EPHA3: variants seen among roughly 807,000 people sequenced by gnomAD.
EPHA3 encodes EPH receptor A3, also known as ephrin type-A receptor 3.
In EPHA3, 42 loss-of-function variants were observed where a neutral mutation model predicts 107.1. The observed-to-expected ratio is 0.39, with a 90% CI of 0.31 to 0.51. EPHA3 has a LOEUF of 0.51. Ranked by LOEUF, EPHA3 falls within the 20% of genes least tolerant of loss-of-function variation. The pLI is 0.78. For synonymous variants in EPHA3, 461 were observed against 424.8 expected (o/e 1.09, Z -1.05); for missense variants, 1,183 against 1,211.2 (o/e 0.98, Z 0.35).
chr3:89,143,613 A>G (rs1170318953), intron 2 of EPHA3, among the ~76,000 whole-genome samples: 1 of 151,544 alleles, frequency 6.6e-6, no homozygotes, highest in Admixed American at 6.6e-5. Context: ...TTTTAGATAT[A>G]CGGAAAAGTT....
chr3:89,333,045 T>C (rs1707322424), intron 3 of EPHA3, among the ~76,000 whole-genome samples: 1 of 152,166 alleles, frequency 6.6e-6, no homozygotes, highest in Admixed American at 6.5e-5. Context: ...ATGGTAACTT[T>C]ACCCATTCCC....
chr3:89,274,942 G>A (rs1705769567), intron 3 of EPHA3, among the ~76,000 whole-genome samples: 1 of 152,012 alleles, frequency 6.6e-6, no homozygotes, highest in Non-Finnish European at 1.5e-5. Context: ...TAGCATGACA[G>A]ATATGTCAGG....
chr3:89,457,133 G>T (rs563758111), intron 15 of EPHA3, among the ~76,000 whole-genome samples: 12 of 152,242 alleles, frequency 7.9e-5, no homozygotes, highest in Admixed American at 7.2e-4. Context: ...ATTTCTACAG[G>T]TAGGTAACAG....
At chr3:89,397,580 C>CTTTTTT (rs35334618) in intron 6 of EPHA3, among the ~76,000 whole-genome samples, 5 of 131,112 alleles carry the variant, frequency 3.8e-5, no homozygotes, top group Non-Finnish European at 4.9e-5. Context: ...GCATCATTGC[C>CTTTTTT]TTTTTTTTTT....
intron 3 of EPHA3, among the ~76,000 whole-genome samples, chr3:89,266,424 T>A (rs575398710): frequency 6.6e-6 from 1 of 152,162 alleles, no homozygotes; most frequent in Non-Finnish European, 1.5e-5. Flanking sequence ...TATTAGACTT[T>A]AAAGAGTTCT....
chr3:89,142,768 T>C (rs1704457907), intron 2 of EPHA3, among the ~76,000 whole-genome samples: 1 of 151,434 alleles, frequency 6.6e-6, no homozygotes, highest in Non-Finnish European at 1.5e-5. Flanking sequence ...ATTTTTATTG[T>C]TATAATCATT....
At chr3:89,121,687 G>A (rs1241389411) in intron 1 of EPHA3, among the ~76,000 whole-genome samples, 3 of 151,840 alleles carry the variant, frequency 2.0e-5, no homozygotes, top group East Asian at 1.9e-4. Flanking sequence ...AATCCAGGAG[G>A]CAGAGGTTGC....
At chr3:89,221,165 C>T (rs1704364337) in intron 3 of EPHA3, among the ~76,000 whole-genome samples, 2 of 142,774 alleles carry the variant, frequency 1.4e-5, no homozygotes, top group Non-Finnish European at 1.5e-5. Flanking sequence ...CCTGCTTTAC[C>T]AGAAATAGTC....
intron 5 of EPHA3, among the ~76,000 whole-genome samples, chr3:89,388,514 T>C (rs1708667018): frequency 6.6e-6 from 1 of 152,106 alleles, no homozygotes; most frequent in African/African-American, 2.4e-5. Flanking sequence ...TAATGAGTAG[T>C]AGAAGCAGTT....
At chr3:89,324,002 C>G (rs1707102450) in intron 3 of EPHA3, among the ~76,000 whole-genome samples, 2 of 151,902 alleles carry the variant, frequency 1.3e-5, no homozygotes, top group Non-Finnish European at 2.9e-5. Context: ...CGATTTACTA[C>G]AGCAAATGCT....
At chr3:89,193,820 A>C (rs1342685171) in intron 2 of EPHA3, among the ~76,000 whole-genome samples, 1 of 151,988 alleles carries the variant, frequency 6.6e-6, no homozygotes, top group East Asian at 1.9e-4. Flanking sequence ...AGTGTTTCCC[A>C]ATATGTTTAC....
intron 5 of EPHA3, among the ~76,000 whole-genome samples, chr3:89,395,027 T>A (rs1708819808): frequency 1.3e-5 from 2 of 152,226 alleles, no homozygotes; most frequent in Non-Finnish European, 2.9e-5. Flanking sequence ...TAATCTTCAG[T>A]TAGAAATGAA....
intron 7 of EPHA3, chr3:89,399,979 GCCTGTT>G: frequency 9.6e-7 from 1 of 1,045,202 alleles, no homozygotes; most frequent in Non-Finnish European, 1.2e-6. Context: ...AATTTGAATA[GCCTGTT>G]CCTTTAACCC....
Position 89,165,496 on chromosome 3 carries a change from G to C in EPHA3, c.153+38223G>C, listed in dbSNP as rs1705041978. On this transcript the variant is annotated intron_variant, in intron 2 of 16. Transcript: ENST00000336596. ...CCATAGAACAGACCATCTCTTAACT[G>C]TTCTAATGCATGGATTAAAAACTTC... 2.0e-5 allele frequency among the ~76,000 whole-genome samples: 3 copies of C among 152,102 alleles called. No homozygotes were observed. The South Asian group carries it at 6.2e-4, about 32-fold the overall frequency.
intron 6 of EPHA3, among the ~76,000 whole-genome samples, chr3:89,397,581 T>A: frequency 7.8e-6 from 1 of 127,466 alleles, no homozygotes; most frequent in East Asian, 2.2e-4. Context: ...CATCATTGCC[T>A]TTTTTTTTTT....
intron 3 of EPHA3, among the ~76,000 whole-genome samples, chr3:89,226,165 G>T (rs189519033): frequency 6.6e-6 from 1 of 152,208 alleles, no homozygotes; most frequent in Admixed American, 6.5e-5. Flanking sequence ...TCAGGGTTTA[G>T]CTTGGCTCTA....
chr3:89,294,997 C>T (rs1706311724), intron 3 of EPHA3, among the ~76,000 whole-genome samples: 1 of 152,086 alleles, frequency 6.6e-6, no homozygotes, highest in Admixed American at 6.6e-5. Flanking sequence ...CTGTTTTTTA[C>T]ATTTGTTACA....
intron 2 of EPHA3, among the ~76,000 whole-genome samples, chr3:89,130,495 G>T (rs1704182873): frequency 1.3e-5 from 2 of 152,138 alleles, no homozygotes; most frequent in South Asian, 4.2e-4. Flanking sequence ...GGAGAAAAAT[G>T]GTGAAGAGTA....
At chr3:89,426,179 T>A (rs989181187) in intron 11 of EPHA3, among the ~76,000 whole-genome samples, 13 of 151,718 alleles carry the variant, frequency 8.6e-5, no homozygotes, top group African/African-American at 3.1e-4. Context: ...ATGTCATTTG[T>A]AAATCAAAAT....
Sources: allele counts gnomAD v4.1 joint callset (sites outside exome capture counted in the v4.1 genomes callset), GRCh38; gene constraint gnomAD v4.1.1; transcripts MANE v1.5; gene names NCBI Gene and HGNC (gene_info 2026-07-23, HGNC 2026-07-21).